RPIA: variants seen among roughly 807,000 people sequenced by gnomAD.
RPIA encodes the protein ribose 5-phosphate isomerase A.
In RPIA, 29 loss-of-function variants were observed where a neutral mutation model predicts 37.8. The ratio of observed to expected loss-of-function variants is 0.77; its 90% confidence interval spans 0.57 to 1.05. The LOEUF (loss-of-function observed/expected upper bound fraction) is 1.05. Among genes scored for constraint, RPIA ranks in the 50% least tolerant of loss-of-function variants. The pLI is 0.00. For synonymous variants in RPIA, 167 were observed against 157.0 expected, an observed-to-expected ratio of 1.06 and a Z score of -0.48; for missense variants, 385 against 413.6, an observed-to-expected ratio of 0.93 and a Z score of 0.60.
chr2:88,691,819 G>T lies in RPIA; in HGVS notation c.121G>T (p.Val41Leu), dbSNP rs1676937388. The T allele has an allele frequency of 1.3e-6, 2 of 1,597,180 alleles. No individual in the cohort carries two copies. Among genetic ancestry groups the T allele is most frequent in the Non-Finnish European group, 1.7e-6 (2 of 1,173,740 alleles). ...CAGCTGGGACCTCCCGGGTTCCCAC[G>T]TGCGGCTGCCGGGGCGTGCACAGTC... Reference protein sequence around the residue: ...GNSWDLPGSHVRLPGRAQSGT... With the variant: ...GNSWDLPGSHLRLPGRAQSGT... The change falls in exon 1 of 9, where the codon GTG becomes TTG. Residue 41 changes from valine (V) to leucine (L), a missense_variant. This residue lies in a region of RPIA where 232 missense variants were observed against 203.0 expected (regional missense o/e 1.14). Coordinates refer to ENST00000283646, the MANE Select transcript of RPIA (RefSeq NM_144563.3).
At chr2:88,696,358 G>A (rs923270786) in intron 1 of RPIA, among the ~76,000 whole-genome samples, 1 of 151,964 alleles carries the variant, frequency 6.6e-6, no homozygotes, top group Non-Finnish European at 1.5e-5. Context: ...AGCCTGGTTG[G>A]CAGAGTGAGA....
At chr2:88,722,270 A>G (rs181721088) in intron 3 of RPIA, among the ~76,000 whole-genome samples, 1 of 152,226 alleles carries the variant, frequency 6.6e-6, no homozygotes, top group East Asian at 1.9e-4. Flanking sequence ...AAAATTGTTC[A>G]CCTTTTTAAG....
At chr2:88,692,254 C>T (rs1676946637) in intron 1 of RPIA, among the ~76,000 whole-genome samples, 2 of 152,214 alleles carry the variant, frequency 1.3e-5, no homozygotes, top group Admixed American at 6.5e-5. Flanking sequence ...AAAGTGGAGC[C>T]TGGTGCTGTC....
In RPIA at chr2:88,729,470, G is replaced by T. The variant is rs145397758; in HGVS notation, c.462+133G>T. ...AGTTAGTTGTACCAAGTTTTCTCCTGGGACCTTGAGTATTAATTTTGGCTG... is the reference window on the plus strand; with the variant it reads ...AGTTAGTTGTACCAAGTTTTCTCCTTGGACCTTGAGTATTAATTTTGGCTG... On this transcript the variant is annotated intron_variant, in intron 4 of 8. Coordinates refer to ENST00000283646, the MANE Select transcript of RPIA (RefSeq NM_144563.3). The T allele has an allele frequency of 1.7e-3, 1,537 of 891,128 alleles. 16 individuals are homozygous for T. In the African/African-American group the frequency reaches 0.023, roughly 14 times the overall value. 55.2% of individuals were successfully genotyped at this position (891,128 alleles called of 1,614,324 possible).
intron 8 of RPIA, among the ~76,000 whole-genome samples, chr2:88,747,141 T>C (rs1172642667): frequency 6.6e-6 from 1 of 151,988 alleles, no homozygotes; most frequent in African/African-American, 2.4e-5. Flanking sequence ...CTGTGTGGGG[T>C]TGGGGAGTGG....
At chr2:88,702,847 G>T (rs1672848046) in intron 3 of RPIA, among the ~76,000 whole-genome samples, 1 of 152,166 alleles carries the variant, frequency 6.6e-6, no homozygotes, top group South Asian at 2.1e-4. Context: ...CTGAGACAAG[G>T]CAAGTCACTT....
chr2:88,735,164 T>C (rs1218593511), intron 5 of RPIA, among the ~76,000 whole-genome samples: 1 of 152,194 alleles, frequency 6.6e-6, no homozygotes, highest in Non-Finnish European at 1.5e-5. Context: ...TACTGTTTAT[T>C]AGATTTTCTT....
At chr2:88,710,472 C>A (rs1376260548) in intron 3 of RPIA, among the ~76,000 whole-genome samples, 1 of 152,138 alleles carries the variant, frequency 6.6e-6, no homozygotes. Context: ...TGGTTCACCT[C>A]CTGTATGGAA....
chr2:88,733,926 G>A (rs2104130685), intron 4 of RPIA, among the ~76,000 whole-genome samples: 1 of 152,246 alleles, frequency 6.6e-6, no homozygotes, highest in East Asian at 1.9e-4. Flanking sequence ...CCTAATAGAG[G>A]GAGCGGGCAA....
At chr2:88,735,198 TG>T (rs1170007801) in intron 5 of RPIA, among the ~76,000 whole-genome samples, 1 of 152,238 alleles carries the variant, frequency 6.6e-6, no homozygotes, top group African/African-American at 2.4e-5. Flanking sequence ...TCCTGTCAAC[TG>T]CAGATGTGAG....
At chr2:88,712,927 G>T (rs1318528305) in intron 3 of RPIA, among the ~76,000 whole-genome samples, 2 of 151,274 alleles carry the variant, frequency 1.3e-5, no homozygotes, top group African/African-American at 4.9e-5. Context: ...GGAGTGCAAT[G>T]GCATGATCTC....
intron 3 of RPIA, among the ~76,000 whole-genome samples, chr2:88,703,445 T>G (rs759053193): frequency 2.0e-5 from 3 of 152,202 alleles, no homozygotes; most frequent in African/African-American, 4.8e-5. Flanking sequence ...CCTCAATTCT[T>G]GACTTCTGTG....
chr2:88,719,158 CAA>C (rs1309761097), intron 3 of RPIA, among the ~76,000 whole-genome samples: 1 of 152,078 alleles, frequency 6.6e-6, no homozygotes, highest in Non-Finnish European at 1.5e-5. Flanking sequence ...GAGGACCAAA[CAA>C]GACAACAATT....
Position 88,750,776 on chromosome 2 carries a change from GA to G in RPIA, c.*701del. 2.5e-6 allele frequency: 1 copy of G among 398,698 alleles called. No individual in the cohort carries two copies. The highest frequency in any genetic ancestry group is 3.6e-5 in the East Asian group (1 of 28,072). The allele number at this position is 398,698 out of a possible 1,614,324, so 24.7% of individuals were successfully genotyped here. ...GCCAGTACTGCCAAAGCACTGCTGT[GA>G]AATGTGAAGTACTTTGTTTTTTTAT... On this transcript the variant is annotated 3_prime_UTR_variant, in exon 9 of 9. Transcript: ENST00000283646.
In RPIA at chr2:88,750,671, G is replaced by A; in HGVS notation, c.*593G>A. ...GACTTGGAATGTAAGCTGTCAGGGA[G>A]AAAATGTTGTTACACTTTTGCTAAG... On this transcript the variant is annotated 3_prime_UTR_variant, in exon 9 of 9. Transcript: ENST00000283646. The A allele has an allele frequency of 2.5e-6, 1 of 398,420 alleles. No individual in the cohort carries two copies. Among genetic ancestry groups the A allele is most frequent in the Non-Finnish European group, 4.4e-6 (1 of 226,504 alleles). The allele number at this position is 398,420 out of a possible 1,614,324, so 24.7% of individuals were successfully genotyped here.
At chr2:88,701,169 A>G (rs141704231) in intron 3 of RPIA, among the ~76,000 whole-genome samples, 4 of 151,872 alleles carry the variant, frequency 2.6e-5, no homozygotes, top group African/African-American at 9.7e-5. Context: ...AGCTTCCTTG[A>G]TGTTAAATCT....
intron 3 of RPIA, among the ~76,000 whole-genome samples, chr2:88,711,060 A>G (rs987724162): frequency 2.0e-5 from 3 of 152,220 alleles, no homozygotes; most frequent in African/African-American, 7.2e-5. Context: ...TGGAACCACT[A>G]CATGTCATGA....
chr2:88,736,301 C>CCTA (rs1019488480), intron 6 of RPIA, among the ~76,000 whole-genome samples: 12 of 152,206 alleles, frequency 7.9e-5, no homozygotes, highest in Non-Finnish European at 1.5e-4. Flanking sequence ...ATATTAAACA[C>CCTA]CTACATACCC....
chr2:88,704,641 T>A (rs1482756995), intron 3 of RPIA, among the ~76,000 whole-genome samples: 1 of 152,144 alleles, frequency 6.6e-6, no homozygotes. Context: ...CTGTACCATA[T>A]ATTATATTGA....
Sources: gnomAD v4.1 joint callset for allele counts (sites outside exome capture counted in the v4.1 genomes callset) on GRCh38, gnomAD v4.1.1 for gene constraint, gnomAD v4.1.1 regional missense constraint, MANE v1.5 for transcripts, NCBI Gene and HGNC (gene_info 2026-07-23, HGNC 2026-07-21) for gene names.